TRIM23: variants seen among roughly 807,000 people sequenced by gnomAD.
TRIM23 encodes E3 ubiquitin-protein ligase TRIM23.
In TRIM23, 27 loss-of-function variants were observed where a neutral mutation model predicts 71.0. That is an observed-to-expected ratio of 0.38 (90% CI 0.28 to 0.52). The LOEUF (loss-of-function observed/expected upper bound fraction) is 0.52. Among genes scored for constraint, TRIM23 ranks in the 20% least tolerant of loss-of-function variants. TRIM23 has a pLI of 0.84. For synonymous variants in TRIM23, 234 were observed against 238.0 expected (o/e 0.98, Z 0.16); for missense variants, 482 against 692.3 (o/e 0.70, Z 3.41).
At chr5:65,615,000 T>C (rs1046202300) in intron 2 of TRIM23, among the ~76,000 whole-genome samples, 3 of 152,018 alleles carry the variant, frequency 2.0e-5, no homozygotes, top group Non-Finnish European at 2.9e-5. Context: ...CGGGTTCAAG[T>C]GATCCTCGTG....
intron 3 of TRIM23, chr5:65,613,784 T>C: frequency 1.6e-6 from 2 of 1,273,086 alleles, no homozygotes; most frequent in Non-Finnish European, 2.0e-6. Context: ...CATCCTCTTC[T>C]CTACTGTTGC....
intron 2 of TRIM23, 93 bp from the exon 3 acceptor site, chr5:65,614,312 GTAGT>G (rs1754728002): frequency 2.3e-5 from 27 of 1,175,180 alleles, no homozygotes; most frequent in East Asian, 4.8e-5. Flanking sequence ...ATATAGTTCA[GTAGT>G]TAATGTCTAA....
intron 7 of TRIM23, among the ~76,000 whole-genome samples, chr5:65,598,960 A>G (rs557501555): frequency 1.8e-4 from 27 of 152,350 alleles, no homozygotes; most frequent in African/African-American, 6.3e-4. Flanking sequence ...GAGTAGCAGG[A>G]AACTGCCTCA....
intron 6 of TRIM23, 52 bp downstream of exon 6, chr5:65,609,191 A>G: frequency 6.4e-7 from 1 of 1,563,010 alleles, no homozygotes. Context: ...ACCTCTGGTA[A>G]TTATCTACTT....
chr5:65,601,013 GAAACTGCACCC>G (rs545660506), intron 7 of TRIM23, among the ~76,000 whole-genome samples: 3 of 152,242 alleles, frequency 2.0e-5, no homozygotes, highest in Non-Finnish European at 4.4e-5. Context: ...AAAATGTGGA[GAAACTGCACCC>G]TTGTGCACCA....
At chr5:65,595,062 C>G (rs958554787) in intron 9 of TRIM23, among the ~76,000 whole-genome samples, 1 of 151,978 alleles carries the variant, frequency 6.6e-6, no homozygotes, top group Non-Finnish European at 1.5e-5. Flanking sequence ...TTTATTTCTC[C>G]AAAGTATTAT....
Position 65,590,429 on chromosome 5 carries a change from AG to A in TRIM23, c.*1339del, listed in dbSNP as rs1165361711. On this transcript the variant is annotated 3_prime_UTR_variant, in exon 11 of 11. Coordinates refer to ENST00000231524, the MANE Select transcript of TRIM23 (RefSeq NM_001656.4). Reference sequence around the variant, plus strand: ...TTTTTAAACAAAAATAGATTTGAAAAGAATGAACCACAACAGTGCTACCAAA... The same window carrying A: ...TTTTTAAACAAAAATAGATTTGAAAAAATGAACCACAACAGTGCTACCAAA... The A allele has an allele frequency of 1.5e-6, 2 of 1,378,230 alleles. No homozygotes were observed. Among genetic ancestry groups the A allele is most frequent in the Non-Finnish European group, 1.9e-6 (2 of 1,060,934 alleles). 85.4% of individuals were successfully genotyped at this position (1,378,230 alleles called of 1,614,324 possible).
Position 65,609,575 on chromosome 5 carries a change from A to G in TRIM23, c.829-117T>C, listed in dbSNP as rs906703955. On this transcript the variant is annotated intron_variant, in intron 5 of 10. Transcript: ENST00000231524. ...AAAACTCTGTCTCTACAAAAAATGG[A>G]AAAAATTAGCCAGCCGTGGTGGCAT... 37 of 1,121,256 alleles carry G rather than the reference A, an allele frequency of 3.3e-5. No individual in the cohort carries two copies. In the African/African-American group the frequency reaches 5.7e-4, roughly 17 times the overall value. The allele number at this position is 1,121,256 out of a possible 1,614,324, so 69.5% of individuals were successfully genotyped here.
intron 7 of TRIM23, among the ~76,000 whole-genome samples, chr5:65,598,870 C>T (rs575108151): frequency 1.7e-4 from 26 of 151,996 alleles, no homozygotes; most frequent in African/African-American, 4.6e-4. Context: ...AAAAAAAGCA[C>T]GTAATCATCT....
chr5:65,618,373 G>GA (rs895647622), intron 1 of TRIM23, 118 bp from the exon 2 acceptor site: 1,593 of 1,096,018 alleles, frequency 1.5e-3, no homozygotes, highest in South Asian at 4.7e-3. Context: ...ATTCCTCTAT[G>GA]AAAAAAAAAC....
chr5:65,620,042 G>A (rs552231271), intron 1 of TRIM23, among the ~76,000 whole-genome samples: 3 of 152,180 alleles, frequency 2.0e-5, no homozygotes, highest in East Asian at 1.9e-4. Flanking sequence ...CCAAGATCAC[G>A]CCACCGCACT....
chr5:65,592,014 T>TAA, intron 10 of TRIM23, 66 bp from the exon 11 acceptor site: 1 of 1,461,856 alleles, frequency 6.8e-7, no homozygotes, highest in East Asian at 2.4e-5. Flanking sequence ...ATTATCACCA[T>TAA]TTATAGAGAA....
At chr5:65,616,675 G>T (rs1754787067) in intron 2 of TRIM23, among the ~76,000 whole-genome samples, 1 of 149,282 alleles carries the variant, frequency 6.7e-6, no homozygotes, top group South Asian at 2.1e-4. Context: ...TAGAAGAAAG[G>T]TTCTATTCTC....
intron 7 of TRIM23, among the ~76,000 whole-genome samples, chr5:65,601,408 C>T (rs902193936): frequency 2.6e-5 from 4 of 151,944 alleles, no homozygotes; most frequent in Admixed American, 2.6e-4. Flanking sequence ...TGACAGGAGG[C>T]AAAAAGCACT....
rs1218048868 is a variant in TRIM23 at position 65,591,397 on chromosome 5, G to C, written c.*372C>G. On this transcript the variant is annotated 3_prime_UTR_variant, in exon 11 of 11. Transcript: ENST00000231524. ...CTTGCTTCACACAGAGGTCTCATTA[G>C]GCACTCAATTGGCTATTCTTTTTTC... is the stretch of plus-strand genomic sequence containing the variant. 6.4e-7 allele frequency: 1 copy of C among 1,568,340 alleles called. No homozygotes were observed.
In TRIM23 at chr5:65,594,507, T is replaced by G. The variant is rs777951392; in HGVS notation, c.1545+14A>C. 3.1e-5 allele frequency: 49 copies of G among 1,595,182 alleles called. No homozygotes were observed. Among genetic ancestry groups the G allele is most frequent in the Middle Eastern group, 1.7e-4 (1 of 5,992 alleles). On this transcript the variant is annotated intron_variant, in intron 10 of 10. Transcript: ENST00000231524. Reference sequence around the variant, plus strand: ...AACTACTAAAATAAATATTCCAATATAAAAATGCATTACCTGTTTGTTAGC... The same window carrying G: ...AACTACTAAAATAAATATTCCAATAGAAAAATGCATTACCTGTTTGTTAGC...
chr5:65,599,153 T>C (rs886818586), intron 7 of TRIM23, among the ~76,000 whole-genome samples: 1 of 149,710 alleles, frequency 6.7e-6, no homozygotes, highest in Middle Eastern at 3.3e-3. Context: ...GACATGATCT[T>C]GTATGTAGAA....
At chr5:65,613,685 A>G in intron 3 of TRIM23, 1 of 1,138,968 alleles carries the variant, frequency 8.8e-7, no homozygotes, top group Middle Eastern at 2.5e-4. Flanking sequence ...AGTTACTGCT[A>G]TCTTTAAGGC....
intron 7 of TRIM23, among the ~76,000 whole-genome samples, chr5:65,604,342 G>A (rs565832137): frequency 1.3e-5 from 2 of 152,204 alleles, no homozygotes; most frequent in African/African-American, 2.4e-5. Flanking sequence ...TGATCCACCC[G>A]CCTCGGCCTC....
Sources: allele counts gnomAD v4.1 joint callset (sites outside exome capture counted in the v4.1 genomes callset), GRCh38; gene constraint gnomAD v4.1.1; transcripts MANE v1.5; gene names NCBI Gene and HGNC (gene_info 2026-07-23, HGNC 2026-07-21).